The following NOD1 variants were observed in gnomAD, a reference collection of about 807,000 sequenced individuals.
The protein encoded by NOD1 is nucleotide-binding oligomerization domain-containing protein 1.
NOD1 carries 70 observed loss-of-function variants against 81.2 expected under a neutral mutation model. The ratio of observed to expected loss-of-function variants is 0.86; its 90% CI spans 0.71 to 1.05. NOD1 has a LOEUF of 1.05. NOD1 is among the 50% of genes least tolerant of loss of function. The pLI is 0.00. For missense variants in NOD1, 1,233 were observed against 1,228.0 expected (o/e 1.00, Z -0.06); for synonymous variants, 508 against 526.9 (o/e 0.96, Z 0.49).
Position 30,446,166 on chromosome 7 carries a change from T to C in NOD1, c.2428A>G (p.Asn810Asp), listed in dbSNP as rs1562670049. 2 of 1,614,104 alleles carry C rather than the reference T, an allele frequency of 1.2e-6. No individual in the cohort carries two copies. The highest frequency in any genetic ancestry group is 8.5e-7 in the Non-Finnish European group (1 of 1,179,936). ...CCAACCTCAGAGATTGATTTGCTGTTCTTCACAGCCAGGGCGAGATACTTC... is the reference window on the plus strand; with the variant it reads ...CCAACCTCAGAGATTGATTTGCTGTCCTTCACAGCCAGGGCGAGATACTTC... ...GGKYLALAVK[N>D]SKSISEVGMW... The change falls in exon 9 of 14, where the codon AAC becomes GAC. Residue 810 changes from asparagine (N) to aspartate (D), a missense_variant. Physicochemically the swap from Asn to Asp is conservative, Grantham distance 23. Transcript: ENST00000222823.
chr7:30,433,442 C>T, intron 11 of NOD1: 1 of 472,206 alleles, frequency 2.1e-6, no homozygotes, highest in Non-Finnish European at 3.8e-6. Flanking sequence ...TCCCTCCCCA[C>T]CTTTGCTGAG....
rs370224136 is a variant in NOD1 at position 30,439,303 on chromosome 7, G to A, written c.2454-1647C>T. Among the ~76,000 whole-genome samples the A allele has an allele frequency of 6.4e-5, 9 of 141,006 alleles. No homozygotes were observed. The South Asian group carries it at 8.4e-4, about 13-fold the overall frequency. 92.5% of individuals were successfully genotyped at this position (141,006 alleles called of 152,430 possible). On this transcript the variant is annotated intron_variant, in intron 9 of 13. Transcript: ENST00000222823. ...CCGGTCTACAGCTCCCAGCGTGAGC[G>A]ACGCAGAAGACGGGTGATTTCTGCA...
At chr7:30,433,371 AT>A (rs1784114290) in intron 11 of NOD1, 192 bp from the exon 12 acceptor site, 1 of 568,712 alleles carries the variant, frequency 1.8e-6, no homozygotes, top group Non-Finnish European at 3.1e-6. Flanking sequence ...CTCATTTTTA[AT>A]GCAAATCCTG....
At chr7:30,455,051 G>T in intron 5 of NOD1, 86 bp downstream of exon 5, 2 of 1,273,396 alleles carry the variant, frequency 1.6e-6, no homozygotes, top group Non-Finnish European at 2.2e-6. Flanking sequence ...TCCTGAGGTG[G>T]CACTCAGGGC....
chr7:30,476,388 G>C (rs1039715025), intron 1 of NOD1, among the ~76,000 whole-genome samples: 13 of 152,200 alleles, frequency 8.5e-5, no homozygotes, highest in Admixed American at 8.5e-4. Flanking sequence ...GCACGTACCA[G>C]GGTAAAGTTC....
chr7:30,473,594 A>T (rs1037281604), intron 1 of NOD1, among the ~76,000 whole-genome samples: 1 of 152,200 alleles, frequency 6.6e-6, no homozygotes, highest in African/African-American at 2.4e-5. Context: ...GCAATGGATG[A>T]GGTTTAATGT....
At chr7:30,437,317 T>C (rs945829918) in intron 10 of NOD1, among the ~76,000 whole-genome samples, 1 of 152,068 alleles carries the variant, frequency 6.6e-6, no homozygotes, top group Non-Finnish European at 1.5e-5. Flanking sequence ...GTGCAGCAAA[T>C]CACCATGGCA....
chr7:30,470,555 G>A (rs1788173996), intron 1 of NOD1, among the ~76,000 whole-genome samples: 1 of 152,200 alleles, frequency 6.6e-6, no homozygotes, highest in Admixed American at 6.5e-5. Flanking sequence ...AAGTTTATTG[G>A]TGAATAAATT....
At chr7:30,446,271 C>G (rs1785073242) in intron 8 of NOD1, 47 bp from the exon 9 acceptor site, 1 of 1,394,810 alleles carries the variant, frequency 7.2e-7, no homozygotes, top group East Asian at 2.3e-5. Context: ...TGCAGGGGCT[C>G]CAATGTGGGT....
In NOD1 at chr7:30,456,967, G is replaced by T; in HGVS notation, c.-46C>A. The T allele has an allele frequency of 6.5e-7, 1 of 1,531,824 alleles. No individual in the cohort carries two copies. Among genetic ancestry groups the T allele is most frequent in the Non-Finnish European group, 9.0e-7 (1 of 1,105,852 alleles). The allele number at this position is 1,531,824 out of a possible 1,614,324, so 94.9% of individuals were successfully genotyped here. ...ACTTTTCCCAAATTCATCTTCAGCT[G>T]CGTGTGTCCTCTCAGCAGAAGGGCA... On this transcript the variant is annotated 5_prime_UTR_variant, in exon 4 of 14. Transcript: ENST00000222823.
intron 9 of NOD1, among the ~76,000 whole-genome samples, chr7:30,445,756 C>T (rs1342799999): frequency 5.5e-5 from 2 of 36,080 alleles, no homozygotes; most frequent in East Asian, 9.3e-4. Context: ...GAGACTCTGT[C>T]AAAAAAAAAA....
Position 30,456,886 on chromosome 7 carries a change from G to A in NOD1, c.36C>T (p.Ile12=), listed in dbSNP as rs760099767. 3.7e-6 allele frequency: 6 copies of A among 1,614,118 alleles called. No individual in the cohort carries two copies. The highest frequency in any genetic ancestry group is 2.5e-6 in the Non-Finnish European group (3 of 1,179,958). The change falls in exon 4 of 14, where the codon ATC becomes ATT. Residue 12 remains isoleucine (I), a synonymous_variant. Transcript: ENST00000222823. The part of the protein sequence containing the change: ...EEQGHSEMEI[I]PSESHPHIQL... ...GAATGTGGGGGTGAGACTCTGATGG[G>A]ATTATTTCCATCTCACTGTGGCCCT...
chr7:30,477,197 CTCT>C (rs1187577465), intron 1 of NOD1, among the ~76,000 whole-genome samples: 1 of 152,226 alleles, frequency 6.6e-6, no homozygotes, highest in Non-Finnish European at 1.5e-5. Context: ...ATAAAACCTA[CTCT>C]TCTTACAATA....
chr7:30,463,146 CAT>C (rs1464395774), intron 1 of NOD1, among the ~76,000 whole-genome samples: 5 of 152,068 alleles, frequency 3.3e-5, no homozygotes, highest in South Asian at 2.1e-4. Context: ...TATACAGTCA[CAT>C]ATGTGTGTGT....
chr7:30,434,381 A>C (rs1399462881), intron 11 of NOD1, among the ~76,000 whole-genome samples: 1 of 152,162 alleles, frequency 6.6e-6, no homozygotes, highest in Non-Finnish European at 1.5e-5. Context: ...GGCATTTTTG[A>C]TCCTCACCAC....
intron 1 of NOD1, among the ~76,000 whole-genome samples, chr7:30,471,866 G>A (rs1940528426): frequency 6.6e-6 from 1 of 152,172 alleles, no homozygotes; most frequent in Non-Finnish European, 1.5e-5. Context: ...GTGCCTAGGA[G>A]GCCCATATGC....
chr7:30,436,096 A>G lies in NOD1; in HGVS notation c.2538-15T>C, dbSNP rs779000628. The G allele has an allele frequency of 3.7e-6, 6 of 1,601,228 alleles. No homozygotes were observed. Among genetic ancestry groups the G allele is most frequent in the Non-Finnish European group, 4.3e-6 (5 of 1,168,284 alleles). On this transcript the variant is annotated splice_polypyrimidine_tract_variant and intron_variant, in intron 10 of 13. Transcript: ENST00000222823. ...TGGACGCAAGACTAGGAAGGAACACACTTGGGGTGAATTATTAAAGACACA... is the reference window on the plus strand; with the variant it reads ...TGGACGCAAGACTAGGAAGGAACACGCTTGGGGTGAATTATTAAAGACACA...
In NOD1 at chr7:30,452,365, C is replaced by T. The variant is rs909339743; in HGVS notation, c.1052G>A (p.Gly351Asp). ...GGCGCGCAGGTGGCTGGGGGAGAAG[C>T]CCCGGAGAAGCACCTTCTTCCGCAG... is the stretch of plus-strand genomic sequence containing the variant. ...QFLRKKVLLR[G>D]FSPSHLRAYA... The change falls in exon 6 of 14, where the codon GGC becomes GAC. Residue 351 changes from glycine (G) to aspartate (D), a missense_variant. Gly to Asp is a moderately conservative substitution (Grantham distance 94). Coordinates refer to ENST00000222823, the MANE Select transcript of NOD1 (RefSeq NM_006092.4). The T allele has an allele frequency of 2.5e-6, 4 of 1,613,308 alleles. No homozygotes were observed. The South Asian group carries it at 3.3e-5, about 13-fold the overall frequency.
chr7:30,470,721 T>A (rs1788189518), intron 1 of NOD1, among the ~76,000 whole-genome samples: 1 of 152,224 alleles, frequency 6.6e-6, no homozygotes, highest in Non-Finnish European at 1.5e-5. Flanking sequence ...TTCTTGGTTT[T>A]ATCCAGGCTT....
Sources: gnomAD v4.1 joint callset for allele counts (sites outside exome capture counted in the v4.1 genomes callset) on GRCh38, gnomAD v4.1.1 for gene constraint, MANE v1.5 for transcripts, NCBI Gene and HGNC (gene_info 2026-07-23, HGNC 2026-07-21) for gene names.